URGCP: variants seen among roughly 807,000 people sequenced by gnomAD.
The protein encoded by URGCP is upregulator of cell proliferation.
In URGCP, 13 loss-of-function variants were observed where a neutral mutation model predicts 24.6. The observed-to-expected ratio is 0.53, with a 90% confidence interval of 0.34 to 0.84. The LOEUF is 0.84. Ranked by LOEUF, URGCP falls within the 40% of genes least tolerant of loss-of-function variation. URGCP has a pLI of 0.01. For synonymous variants in URGCP, 444 were observed against 487.2 expected (o/e 0.91, Z 1.17); for missense variants, 899 against 1,194.3 (o/e 0.75, Z 3.64).
chr7:43,898,838 G>C (rs2095883996), intron 1 of URGCP, among the ~76,000 whole-genome samples: 1 of 143,620 alleles, frequency 7.0e-6, no homozygotes, highest in South Asian at 2.2e-4. Context: ...AGAGAGGAAA[G>C]AGTTAAAAAA....
chr7:43,882,289 A>G (rs919165272), intron 3 of URGCP, among the ~76,000 whole-genome samples: 4 of 152,338 alleles, frequency 2.6e-5, no homozygotes, highest in African/African-American at 2.4e-5. Flanking sequence ...CTAAAAATAC[A>G]AAAATTAGCT....
rs1224444831 is a variant in URGCP at position 43,916,176 on chromosome 7, T to G, written c.-116+9956A>C. Among the ~76,000 whole-genome samples the G allele has an allele frequency of 2.0e-5, 3 of 152,332 alleles. No homozygotes were observed. In the East Asian group the frequency reaches 5.8e-4, roughly 29 times the overall value. On this transcript the variant is annotated intron_variant, in intron 1 of 5. Transcript: ENST00000426198. Reference sequence around the variant, plus strand: ...CTCCACCAGGCCAGGAATAGGTTGGTGCAAAAGTAGTTGCAGTTTTTGCTA... The same window carrying G: ...CTCCACCAGGCCAGGAATAGGTTGGGGCAAAAGTAGTTGCAGTTTTTGCTA...
chr7:43,894,390 C>T (rs532038109), intron 1 of URGCP, among the ~76,000 whole-genome samples: 5 of 152,134 alleles, frequency 3.3e-5, no homozygotes, highest in African/African-American at 9.6e-5. Flanking sequence ...GTTCTGTTGC[C>T]CAGGCTGATG....
chr7:43,920,119 A>G (rs2095920511), intron 1 of URGCP: 1 of 859,408 alleles, frequency 1.2e-6, no homozygotes, highest in Non-Finnish European at 1.8e-6. Flanking sequence ...TGCCTGACTG[A>G]CCACTCACTT....
intron 1 of URGCP, among the ~76,000 whole-genome samples, chr7:43,905,281 C>A (rs199553653): frequency 6.7e-6 from 1 of 148,718 alleles, no homozygotes; most frequent in Non-Finnish European, 1.5e-5. Flanking sequence ...GCTCTGCCCA[C>A]CCTTTCCTGA....
At chr7:43,926,284 G>A (rs114786517) in exon 1 of URGCP, 4,834 of 214,182 alleles carry the variant, frequency 0.023, 273 homozygotes, top group African/African-American at 0.11. Context: ...TGGCCTCTCC[G>A]GGGCCTTGCT....
At chr7:43,887,697 T>C in intron 2 of URGCP, 93 bp downstream of exon 2, 1 of 1,518,064 alleles carries the variant, frequency 6.6e-7, no homozygotes, top group Non-Finnish European at 8.8e-7. Context: ...GCACCCACAG[T>C]TGAGAAACAC....
chr7:43,917,657 G>A (rs754784861), intron 1 of URGCP, among the ~76,000 whole-genome samples: 3 of 152,156 alleles, frequency 2.0e-5, no homozygotes, highest in Admixed American at 6.6e-5. Flanking sequence ...CTGAACACCT[G>A]GGAGGTTACC....
At chr7:43,879,348 A>G in intron 5 of URGCP, 88 bp from the exon 6 acceptor site, 2 of 1,463,566 alleles carry the variant, frequency 1.4e-6, no homozygotes, top group Non-Finnish European at 9.1e-7. Flanking sequence ...GCCCAGCAGG[A>G]TGGGGAGAGT....
chr7:43,911,885 A>G (rs2095910520), intron 1 of URGCP, among the ~76,000 whole-genome samples: 1 of 152,206 alleles, frequency 6.6e-6, no homozygotes. Flanking sequence ...AATGGAATGA[A>G]ACTAGAAACT....
Position 43,876,832 on chromosome 7 carries a change from G to A in URGCP, c.2631C>T (p.His877=). The A allele has an allele frequency of 4.3e-6, 7 of 1,614,210 alleles. No individual in the cohort carries two copies. The highest frequency in any genetic ancestry group is 5.9e-6 in the Non-Finnish European group (7 of 1,180,046). ...FCDPEKQHIW[H]IPGLWHGAPP... Reference sequence around the variant, plus strand: ...GTGCTCCGTGCCACAGGCCTGGGATGTGCCAGATGTGCTGCTTCTCAGGGT... The same window carrying A: ...GTGCTCCGTGCCACAGGCCTGGGATATGCCAGATGTGCTGCTTCTCAGGGT... Residue 877 remains histidine, a synonymous_variant, in exon 6 of 6, where the codon CAC becomes CAT. Coordinates refer to ENST00000453200, the MANE Select transcript of URGCP (RefSeq NM_001077663.3).
chr7:43,900,723 T>G (rs942458560), intron 1 of URGCP, among the ~76,000 whole-genome samples: 1 of 152,146 alleles, frequency 6.6e-6, no homozygotes, highest in African/African-American at 2.4e-5. Context: ...AGTGCTGGGA[T>G]TACAGGCGTA....
chr7:43,926,120 A>G (rs2095929902), intron 1 of URGCP: 1 of 153,516 alleles, frequency 6.5e-6, no homozygotes, highest in African/African-American at 2.4e-5. Flanking sequence ...GTACGAGGGT[A>G]TATATACTTA....
intron 1 of URGCP, among the ~76,000 whole-genome samples, chr7:43,923,218 A>G (rs1358359190): frequency 6.7e-6 from 1 of 150,046 alleles, no homozygotes; most frequent in Non-Finnish European, 1.5e-5. Flanking sequence ...TCCTGACCTC[A>G]TGATCTGCCC....
At chr7:43,904,817 A>G (rs1444433281) in intron 1 of URGCP, among the ~76,000 whole-genome samples, 1 of 152,250 alleles carries the variant, frequency 6.6e-6, no homozygotes, top group African/African-American at 2.4e-5. Context: ...AATATGGTAC[A>G]GCCTGTTGCT....
chr7:43,921,184 G>T (rs1048867182), intron 1 of URGCP, among the ~76,000 whole-genome samples: 1 of 152,098 alleles, frequency 6.6e-6, no homozygotes, highest in Admixed American at 6.6e-5. Flanking sequence ...AAATTAGCCG[G>T]GCGTGGTGGT....
At chr7:43,883,341 TATATATATATATATATA>T (rs2095857013) in intron 3 of URGCP, among the ~76,000 whole-genome samples, 3 of 103,106 alleles carry the variant, frequency 2.9e-5, no homozygotes, top group African/African-American at 1.4e-4. Flanking sequence ...TATATACATA[TATATATATATATATATA>T]TATATTTTTT....
intron 1 of URGCP, among the ~76,000 whole-genome samples, chr7:43,897,217 A>C (rs1342559003): frequency 6.6e-6 from 1 of 152,182 alleles, no homozygotes; most frequent in Non-Finnish European, 1.5e-5. Flanking sequence ...TAAATAAATA[A>C]ATAAATAAAT....
Position 43,881,671 on chromosome 7 carries a change from C to A in URGCP, c.190G>T (p.Asp64Tyr). 6.2e-7 allele frequency: 1 copy of A among 1,614,046 alleles called. No individual in the cohort carries two copies. The highest frequency in any genetic ancestry group is 8.5e-7 in the Non-Finnish European group (1 of 1,180,020). ...AGAAAATGCTTACCTGTTGGAAAAT[C>A]ATTGTCCTGAGCCTCATTTGTACCA... ...GDGTNEAQDN[D>Y]FPTVERSRLQ... The change falls in exon 5 of 6, where the codon GAT becomes TAT. Residue 64 changes from aspartate (D) to tyrosine (Y), a missense_variant. Asp to Tyr is a radical substitution (Grantham distance 160). Coordinates refer to ENST00000453200, the MANE Select transcript of URGCP (RefSeq NM_001077663.3).
Sources: allele counts gnomAD v4.1 joint callset (sites outside exome capture counted in the v4.1 genomes callset), GRCh38; gene constraint gnomAD v4.1.1; transcripts MANE v1.5; gene names NCBI Gene and HGNC (gene_info 2026-07-23, HGNC 2026-07-21).